PDE1A: variants seen among roughly 807,000 people sequenced by gnomAD.
PDE1A encodes the protein dual specificity calcium/calmodulin-dependent 3',5'-cyclic nucleotide phosphodiesterase 1A.
A neutral mutation model predicts 61.7 loss-of-function variants in PDE1A; 35 were observed. That is an observed-to-expected ratio of 0.57 (90% CI 0.43 to 0.75). The LOEUF (loss-of-function observed/expected upper bound fraction) is 0.75. PDE1A is among the 30% of genes least tolerant of loss of function. The pLI is 0.00. For missense variants in PDE1A, 597 were observed against 630.6 expected, an observed-to-expected ratio of 0.95 and a Z score of 0.57; for synonymous variants, 232 against 213.2, an observed-to-expected ratio of 1.09 and a Z score of -0.77.
intron 13 of PDE1A, among the ~76,000 whole-genome samples, chr2:182,157,290 C>T (rs973418047): frequency 2.6e-5 from 4 of 152,154 alleles, no homozygotes; most frequent in African/African-American, 4.8e-5. Flanking sequence ...GCTGGGATTA[C>T]AGGTGTGAGC....
At chr2:182,180,833 G>C (rs1274431453) in intron 13 of PDE1A, among the ~76,000 whole-genome samples, 1 of 151,464 alleles carries the variant, frequency 6.6e-6, no homozygotes, top group Non-Finnish European at 1.5e-5. Context: ...ATTTCAGCAA[G>C]ATGGTCTTCA....
intron 1 of PDE1A, among the ~76,000 whole-genome samples, chr2:182,304,821 T>C (rs1040444730): frequency 3.9e-5 from 6 of 152,120 alleles, no homozygotes; most frequent in African/African-American, 1.4e-4. Flanking sequence ...CTGATCACCA[T>C]AACACACATG....
chr2:182,193,765 C>T (rs752320377), intron 10 of PDE1A, among the ~76,000 whole-genome samples: 1 of 152,158 alleles, frequency 6.6e-6, no homozygotes, highest in East Asian at 1.9e-4. Context: ...AATATTAGAA[C>T]CCCTGGTGTA....
the PDE1A span, among the ~76,000 whole-genome samples, chr2:182,542,206 T>C: frequency 6.6e-6 from 1 of 152,302 alleles, no homozygotes; most frequent in Admixed American, 6.5e-5. Context: ...AGAAAATATA[T>C]ACTTTAAGTT....
At chr2:182,157,891 G>A (rs754602668) in intron 13 of PDE1A, among the ~76,000 whole-genome samples, 6 of 152,218 alleles carry the variant, frequency 3.9e-5, no homozygotes, top group Non-Finnish European at 7.3e-5. Context: ...GCTTTAGAGA[G>A]TTGGTAGTAG....
chr2:182,532,801 A>G, the PDE1A span, among the ~76,000 whole-genome samples: 1 of 151,674 alleles, frequency 6.6e-6, no homozygotes, highest in Non-Finnish European at 1.5e-5. Context: ...ACAAAAAATT[A>G]TACGGGCGCG....
intron 1 of PDE1A, among the ~76,000 whole-genome samples, chr2:182,365,922 T>C (rs891168786): frequency 9.2e-5 from 14 of 152,048 alleles, no homozygotes; most frequent in Non-Finnish European, 1.6e-4. Flanking sequence ...TTCTCACCTA[T>C]GCTAGGTACC....
chr2:182,566,007 T>A, the PDE1A span, among the ~76,000 whole-genome samples: 1 of 152,136 alleles, frequency 6.6e-6, no homozygotes, highest in African/African-American at 2.4e-5. Context: ...ATACAAAATT[T>A]ATGGAATTGT....
intron 7 of PDE1A, among the ~76,000 whole-genome samples, chr2:182,215,626 T>C (rs1444630833): frequency 1.5e-5 from 2 of 134,712 alleles, no homozygotes; most frequent in African/African-American, 5.8e-5. Context: ...CATCAGAGAA[T>C]ACTACAAACA....
chr2:182,708,977 C>A, the PDE1A span, among the ~76,000 whole-genome samples: 44 of 152,056 alleles, frequency 2.9e-4, no homozygotes, highest in African/African-American at 1.0e-3. Flanking sequence ...TTATTTCATA[C>A]TGGTCAAAAA....
intron 11 of PDE1A, among the ~76,000 whole-genome samples, chr2:182,187,737 C>CTTTTTTTGTT (rs1685336117): frequency 1.5e-5 from 1 of 66,382 alleles, no homozygotes; most frequent in Non-Finnish European, 2.6e-5. Context: ...TTTTTTTGTT[C>CTTTTTTTGTT]TTTTTTTTTT....
the PDE1A span, among the ~76,000 whole-genome samples, chr2:182,713,964 T>G: frequency 1.2e-4 from 19 of 152,250 alleles, no homozygotes; most frequent in Non-Finnish European, 2.9e-5. Flanking sequence ...CTAAGGTCCC[T>G]ATAACCTCCT....
chr2:182,645,694 AT>A, the PDE1A span, among the ~76,000 whole-genome samples: 1 of 152,338 alleles, frequency 6.6e-6, no homozygotes, highest in South Asian at 2.1e-4. Flanking sequence ...TAAGTCTACA[AT>A]TTCTAATGAA....
chr2:182,499,804 T>C (rs1574808328), intron 2 of PDE1A, among the ~76,000 whole-genome samples: 3 of 152,192 alleles, frequency 2.0e-5, no homozygotes, highest in Admixed American at 2.0e-4. Context: ...TCAGGAACTA[T>C]TGGAGAAGCT....
At chr2:182,585,495 C>A in the PDE1A span, among the ~76,000 whole-genome samples, 1 of 152,050 alleles carries the variant, frequency 6.6e-6, no homozygotes, top group African/African-American at 2.4e-5. Context: ...ACTTTTATTT[C>A]CTCATTCAAA....
At chr2:182,490,975 G>A (rs1347206561) in intron 2 of PDE1A, among the ~76,000 whole-genome samples, 1 of 152,168 alleles carries the variant, frequency 6.6e-6, no homozygotes, top group Non-Finnish European at 1.5e-5. Context: ...CAGGGGGGAA[G>A]GAAGCATCTG....
intron 4 of PDE1A, among the ~76,000 whole-genome samples, chr2:182,233,666 G>A (rs552439771): frequency 6.6e-6 from 1 of 152,054 alleles, no homozygotes; most frequent in Non-Finnish European, 1.5e-5. Flanking sequence ...ATATGCAGAT[G>A]TTTTAGGAGA....
chr2:182,397,429 C>T (rs1701769329), intron 1 of PDE1A, among the ~76,000 whole-genome samples: 1 of 151,786 alleles, frequency 6.6e-6, no homozygotes, highest in Non-Finnish European at 1.5e-5. Flanking sequence ...AGAGACATTA[C>T]AATGTGGAAA....
At chr2:182,154,927 A>G (rs1690986595) in intron 13 of PDE1A, among the ~76,000 whole-genome samples, 1 of 152,040 alleles carries the variant, frequency 6.6e-6, no homozygotes, top group South Asian at 2.1e-4. Flanking sequence ...TTATTTTTCA[A>G]GTTGCTTAAC....
Sources: gnomAD v4.1 joint callset for allele counts (sites outside exome capture counted in the v4.1 genomes callset) on GRCh38, gnomAD v4.1.1 for gene constraint, MANE v1.5 for transcripts, NCBI Gene and HGNC (gene_info 2026-07-23, HGNC 2026-07-21) for gene names.